The following SCN10A variants were observed in gnomAD, a reference collection of about 807,000 sequenced individuals.
The protein encoded by SCN10A is sodium channel protein type 10 subunit alpha.
Under a neutral mutation model 170.7 loss-of-function variants are expected in SCN10A, and 162 were observed. That is an observed-to-expected ratio of 0.95 (90% CI 0.84 to 1.08). The LOEUF (loss-of-function observed/expected upper bound fraction) is 1.08. Ranked by LOEUF, SCN10A falls within the 50% of genes least tolerant of loss-of-function variation. The pLI, the probability that SCN10A is intolerant of heterozygous loss-of-function variation, is 0.00. For synonymous variants in SCN10A, 985 were observed against 904.6 expected (o/e 1.09, Z -1.59); for missense variants, 2,527 against 2,436.9 (o/e 1.04, Z -0.78).
At position 38,698,375 on chromosome 3, in the gene SCN10A, G is replaced by C. The variant is rs767767715; in HGVS notation, c.4845C>G (p.Phe1615Leu). 4 of 1,614,034 alleles carry C rather than the reference G, an allele frequency of 2.5e-6. No individual in the cohort carries two copies. Among genetic ancestry groups the C allele is most frequent in the Middle Eastern group, 1.6e-4 (1 of 6,084 alleles). Residue 1615 changes from phenylalanine to leucine, a missense_variant, in exon 28 of 28, where the codon TTC becomes TTG. By Grantham distance (22) the Phe-to-Leu change is conservative (BLOSUM62 0). Transcript: ENST00000449082. ...PALFNIGLLL[F>L]LVMFIYSIFG... ...AGATAGAGTAGATGAACATGACAAGGAATAGCAACAGCCCGATGTTGAAGA... is the reference window on the plus strand; with the variant it reads ...AGATAGAGTAGATGAACATGACAAGCAATAGCAACAGCCCGATGTTGAAGA...
chr3:38,802,637 C>T (rs1433332909), intron 1 of SCN10A, among the ~76,000 whole-genome samples: 1 of 152,114 alleles, frequency 6.6e-6, no homozygotes, highest in Admixed American at 6.6e-5. Context: ...ACACTTTATA[C>T]AAAAATTAAT....
chr3:38,786,435 A>G (rs1396352350), intron 4 of SCN10A, among the ~76,000 whole-genome samples: 1 of 151,962 alleles, frequency 6.6e-6, no homozygotes, highest in African/African-American at 2.4e-5. Flanking sequence ...CAATGAGAGC[A>G]CGTGGATACA....
chr3:38,719,137 T>C (rs1056731076), intron 20 of SCN10A, among the ~76,000 whole-genome samples: 2 of 152,318 alleles, frequency 1.3e-5, no homozygotes, highest in Non-Finnish European at 2.9e-5. Context: ...ACCAAAGGGA[T>C]GCTAACAGTG....
intron 4 of SCN10A, among the ~76,000 whole-genome samples, chr3:38,786,490 C>A (rs947463473): frequency 8.6e-5 from 13 of 151,394 alleles, no homozygotes; most frequent in Admixed American, 8.6e-4. Flanking sequence ...GGGTTGGGGG[C>A]TAGGGGAGGG....
At chr3:38,707,476 T>C in intron 25 of SCN10A, 93 bp from the exon 26 acceptor site, 1 of 1,283,650 alleles carries the variant, frequency 7.8e-7, no homozygotes, top group South Asian at 1.3e-5. Context: ...CATATCAACC[T>C]TCTCCCCTCC....
intron 25 of SCN10A, 43 bp from the exon 26 acceptor site, chr3:38,707,426 C>A (rs2063222589): frequency 5.0e-6 from 8 of 1,594,686 alleles, no homozygotes; most frequent in African/African-American, 1.3e-5. Context: ...GAGGAACCCC[C>A]TACGGATACC....
At chr3:38,735,320 CAAAATGCTAGCCA>C (rs1251814655) in intron 15 of SCN10A, among the ~76,000 whole-genome samples, 1 of 151,596 alleles carries the variant, frequency 6.6e-6, no homozygotes, top group Non-Finnish European at 1.5e-5. Context: ...TGTTAAATAT[CAAAATGCTAGCCA>C]AAAATGCCAG....
Position 38,804,799 on chromosome 3 carries a change from A to AG in SCN10A, c.-32-10758dup, listed in dbSNP as rs1029468227. ...GATAAAAGTCGTTCTCCAAAGTGAGAGGGGAACAATAAAGGCTGAAACCAG... is the reference window on the plus strand; with the variant it reads ...GATAAAAGTCGTTCTCCAAAGTGAGAGGGGGAACAATAAAGGCTGAAACCAG... On this transcript the variant is annotated intron_variant, in intron 1 of 27. Coordinates refer to ENST00000449082, the MANE Select transcript of SCN10A (RefSeq NM_006514.4). Among the ~76,000 whole-genome samples the AG allele has an allele frequency of 5.9e-5, 9 of 152,258 alleles. 1 individual carries two copies. The highest frequency in any genetic ancestry group is 1.9e-4 in the East Asian group (1 of 5,184).
At chr3:38,750,617 A>G (rs1457028159) in intron 12 of SCN10A, among the ~76,000 whole-genome samples, 1 of 152,226 alleles carries the variant, frequency 6.6e-6, no homozygotes, top group Non-Finnish European at 1.5e-5. Context: ...TTAACCCTCC[A>G]GCTATTTAGA....
Position 38,752,332 on chromosome 3 carries a change from G to A in SCN10A, c.1642C>T (p.Pro548Ser). 6.2e-7 allele frequency: 1 copy of A among 1,613,174 alleles called. No homozygotes were observed. The highest frequency in any genetic ancestry group is 8.5e-7 in the Non-Finnish European group (1 of 1,179,618). The change falls in exon 12 of 28, where the codon CCC (proline) becomes TCC (serine). Residue 548 changes from proline (P) to serine (S), a missense_variant. Pro to Ser is a moderately conservative substitution (Grantham distance 74). Transcript: ENST00000449082. ...LLGGGAGQQGPLPRSPLPQPS... is the reference protein window; with the variant it reads ...LLGGGAGQQGSLPRSPLPQPS... ...TGAGGAAGAGGGCTTCTAGGGAGGG[G>A]GCCTTGCTGGCCAGCACCCCCACCC...
intron 3 of SCN10A, among the ~76,000 whole-genome samples, chr3:38,789,289 A>C (rs1451162358): frequency 1.3e-5 from 2 of 152,160 alleles, no homozygotes; most frequent in Admixed American, 1.3e-4. Context: ...CAGGCTGACA[A>C]AAAATAAAAG....
chr3:38,754,889 C>T (rs570878620), intron 11 of SCN10A, among the ~76,000 whole-genome samples: 1 of 152,228 alleles, frequency 6.6e-6, no homozygotes, highest in South Asian at 2.1e-4. Flanking sequence ...TCCCCTTTTC[C>T]ACACTGTTAG....
In SCN10A at chr3:38,728,567, G is replaced by A. The variant is rs757355631; in HGVS notation, c.2615C>T (p.Thr872Met). The change falls in exon 16 of 28, where the codon ACG (threonine) becomes ATG (methionine). Residue 872 changes from threonine (T) to methionine (M), a missense_variant. By Grantham distance (81) the Thr-to-Met change is moderately conservative (BLOSUM62 -1). Coordinates refer to ENST00000449082, the MANE Select transcript of SCN10A (RefSeq NM_006514.4). ...CACCAGGTTCCCTAGCACCATCACC[G>A]TCAAGAAAAGGATGAGGCATATGGA... ...QKSICLILFLTVMVLGNLVVL... is the reference protein window; with the variant it reads ...QKSICLILFLMVMVLGNLVVL... 12 of 1,597,146 alleles carry A rather than the reference G, an allele frequency of 7.5e-6. No homozygotes were observed. The highest frequency in any genetic ancestry group is 1.7e-4 in the Middle Eastern group (1 of 6,006).
At chr3:38,814,925 A>G (rs1268018237) in intron 1 of SCN10A, among the ~76,000 whole-genome samples, 1 of 152,242 alleles carries the variant, frequency 6.6e-6, no homozygotes, top group Non-Finnish European at 1.5e-5. Context: ...TGTTACTTAA[A>G]ATATATACAC....
chr3:38,730,403 G>A (rs1332936760), intron 15 of SCN10A, among the ~76,000 whole-genome samples: 1 of 152,158 alleles, frequency 6.6e-6, no homozygotes, highest in Non-Finnish European at 1.5e-5. Flanking sequence ...AAATACCTCT[G>A]GAGGAACCTG....
At chr3:38,710,721 G>T in intron 24 of SCN10A, 123 bp downstream of exon 24, 1 of 874,644 alleles carries the variant, frequency 1.1e-6, no homozygotes, top group Non-Finnish European at 1.8e-6. Context: ...GAGGGACAGT[G>T]TGAGGTTGCT....
rs1286111670 is a variant in SCN10A, at chr3:38,755,953, T to C, written c.1296A>G (p.Leu432=). 1 of 1,614,210 alleles carries C rather than the reference T, an allele frequency of 6.2e-7. No homozygotes were observed. The highest frequency in any genetic ancestry group is 8.5e-7 in the Non-Finnish European group (1 of 1,180,018). The change falls in exon 11 of 28, where the codon CTA becomes CTG. Residue 432 remains leucine, a synonymous_variant. Coordinates refer to ENST00000449082, the MANE Select transcript of SCN10A (RefSeq NM_006514.4). ...LEMLRKEQEV[L]AALGIDTTSL... ...AGGTTGTGTCAATCCCTAGTGCTGCTAGCACCTGCGAAGAGAGAACAGCAG... is the reference window on the plus strand; with the variant it reads ...AGGTTGTGTCAATCCCTAGTGCTGCCAGCACCTGCGAAGAGAGAACAGCAG...
rs144682166 is a variant in SCN10A, at chr3:38,707,121, T to G, written c.4386+158A>C. Among the ~76,000 whole-genome samples, 324 of 152,212 alleles carry G rather than the reference T, an allele frequency of 2.1e-3. 11 individuals carry two copies. The East Asian group carries it at 0.057, about 27-fold the overall frequency. On this transcript the variant is annotated intron_variant, in intron 26 of 27. Transcript: ENST00000449082. ...AGAGTTGCTTCTTTTGAACTTCTCA[T>G]TCCTTGGGCCTAGGAACCCTCATCA...
chr3:38,747,739 G>T (rs1208744318), intron 13 of SCN10A, among the ~76,000 whole-genome samples: 1 of 152,214 alleles, frequency 6.6e-6, no homozygotes, highest in African/African-American at 2.4e-5. Flanking sequence ...CATTTTGCTT[G>T]TTGCTATCTC....
Sources: gnomAD v4.1 joint callset for allele counts (sites outside exome capture counted in the v4.1 genomes callset) on GRCh38, gnomAD v4.1.1 for gene constraint, MANE v1.5 for transcripts, NCBI Gene and HGNC (gene_info 2026-07-23, HGNC 2026-07-21) for gene names.